The following PHYHD1 variants were observed in gnomAD, a reference collection of about 807,000 sequenced individuals.
The protein encoded by PHYHD1 is phytanoyl-CoA dioxygenase domain containing 1.
PHYHD1 carries 42 observed loss-of-function variants against 43.6 expected under a neutral mutation model. The observed-to-expected ratio is 0.96, with a 90% CI of 0.75 to 1.25. PHYHD1 has a LOEUF of 1.25. PHYHD1 is among the 50% of genes most tolerant of loss of function. The pLI, the probability that PHYHD1 is intolerant of heterozygous loss-of-function variation, is 0.00. For missense variants in PHYHD1, 342 were observed against 370.8 expected (o/e 0.92, Z 0.64); for synonymous variants, 139 against 143.6 (o/e 0.97, Z 0.23).
chr9:128,940,804 G>A lies in PHYHD1; in HGVS notation c.703+89G>A, dbSNP rs532187220. The A allele has an allele frequency of 3.7e-5, 49 of 1,341,526 alleles. No individual in the cohort carries two copies. The East Asian group carries it at 6.0e-4, about 17-fold the overall frequency. 83.1% of individuals were successfully genotyped at this position (1,341,526 alleles called of 1,614,324 possible). ...ACCCAGCGTCCAAGAGGTTGCCCTCGGGGTCATCTGAGGGCAGTGAAGTCA... is the reference window on the plus strand; with the variant it reads ...ACCCAGCGTCCAAGAGGTTGCCCTCAGGGTCATCTGAGGGCAGTGAAGTCA... On this transcript the variant is annotated intron_variant, in intron 11 of 12. Coordinates refer to ENST00000372592, the MANE Select transcript of PHYHD1 (RefSeq NM_001100876.2).
intron 3 of PHYHD1, among the ~76,000 whole-genome samples, chr9:128,922,587 A>G (rs1841027005): frequency 6.6e-6 from 1 of 152,206 alleles, no homozygotes; most frequent in Non-Finnish European, 1.5e-5. Flanking sequence ...GTGTTTGACC[A>G]AAAACGAGAA....
intron 4 of PHYHD1, among the ~76,000 whole-genome samples, chr9:128,927,996 C>T (rs113313873): frequency 5.3e-5 from 8 of 152,368 alleles, no homozygotes; most frequent in African/African-American, 1.9e-4. Context: ...AAATTGAAGA[C>T]TCTGGGGTCT....
At chr9:128,941,616 C>G (rs748962248) in intron 12 of PHYHD1, 45 bp downstream of exon 12, 1 of 1,614,048 alleles carries the variant, frequency 6.2e-7, no homozygotes, top group African/African-American at 1.3e-5. Context: ...CCCCTGGAGG[C>G]TGGGAACAGT....
At chr9:128,930,784 C>A (rs577870074) in intron 4 of PHYHD1, among the ~76,000 whole-genome samples, 4 of 152,004 alleles carry the variant, frequency 2.6e-5, no homozygotes, top group Non-Finnish European at 4.4e-5. Flanking sequence ...CCCATCTCTA[C>A]TAAAAATACA....
At chr9:128,922,566 T>C in intron 3 of PHYHD1, among the ~76,000 whole-genome samples, 1 of 151,690 alleles carries the variant, frequency 6.6e-6, no homozygotes, top group East Asian at 1.9e-4. Flanking sequence ...TAGGGTGGGG[T>C]GGGGACGTGT....
intron 3 of PHYHD1, among the ~76,000 whole-genome samples, chr9:128,924,243 C>T (rs1218457339): frequency 3.3e-5 from 5 of 151,710 alleles, no homozygotes; most frequent in African/African-American, 9.7e-5. Flanking sequence ...GGTGAAACCC[C>T]GTCTCTACTA....
chr9:128,922,112 T>C, intron 2 of PHYHD1, 65 bp downstream of exon 2: 4 of 552,256 alleles, frequency 7.2e-6, no homozygotes, highest in Non-Finnish European at 3.2e-6. Context: ...TCCTTGGAGA[T>C]GGGAAAGGGC....
Position 128,939,440 on chromosome 9 carries a change from G to A in PHYHD1, c.458-929G>A, listed in dbSNP as rs1254572544. ...CTAAAAATATGAAAATTAGCTGGGCGTGGTGTCAGGCACCTGTAATCCCAG... is the reference window on the plus strand; with the variant it reads ...CTAAAAATATGAAAATTAGCTGGGCATGGTGTCAGGCACCTGTAATCCCAG... On this transcript the variant is annotated intron_variant, in intron 9 of 12. Transcript: ENST00000372592. Among the ~76,000 whole-genome samples, 15 of 123,086 alleles carry A rather than the reference G, an allele frequency of 1.2e-4. 3 individuals are homozygous for A. In the East Asian group the frequency reaches 1.5e-3, roughly 13 times the overall value. 80.7% of individuals were successfully genotyped at this position (123,086 alleles called of 152,430 possible).
intron 4 of PHYHD1, among the ~76,000 whole-genome samples, chr9:128,928,422 G>A (rs778016089): frequency 6.6e-6 from 1 of 152,184 alleles, no homozygotes; most frequent in African/African-American, 2.4e-5. Flanking sequence ...TGATATATTG[G>A]CCGGGCGCAG....
At chr9:128,932,184 A>ATTTTAT (rs1554825780) in intron 4 of PHYHD1, among the ~76,000 whole-genome samples, 1 of 108,698 alleles carries the variant, frequency 9.2e-6, no homozygotes, top group African/African-American at 4.2e-5. Context: ...TATTATTATT[A>ATTTTAT]TTTTTTTTTT....
chr9:128,925,801 C>T (rs1841117117), intron 3 of PHYHD1, among the ~76,000 whole-genome samples: 1 of 152,150 alleles, frequency 6.6e-6, no homozygotes, highest in Non-Finnish European at 1.5e-5. Flanking sequence ...TTATGTTCCT[C>T]CCAAATTCAG....
chr9:128,923,034 T>G (rs1380443542), intron 3 of PHYHD1, among the ~76,000 whole-genome samples: 1 of 143,944 alleles, frequency 6.9e-6, no homozygotes, highest in Non-Finnish European at 1.5e-5. Context: ...AACCTCTGAC[T>G]CCCAGGTTCA....
intron 11 of PHYHD1, among the ~76,000 whole-genome samples, chr9:128,941,159 G>T (rs1315480062): frequency 6.6e-6 from 1 of 152,202 alleles, no homozygotes; most frequent in Non-Finnish European, 1.5e-5. Context: ...ACAGGACAGA[G>T]GGCTTCTGCC....
intron 9 of PHYHD1, among the ~76,000 whole-genome samples, chr9:128,938,625 G>A (rs2131117469): frequency 6.6e-6 from 1 of 151,426 alleles, no homozygotes; most frequent in South Asian, 2.1e-4. Context: ...GTTCCACCAT[G>A]TTGGCCAGGC....
chr9:128,934,121 C>T, intron 6 of PHYHD1, 63 bp downstream of exon 6: 2 of 1,526,570 alleles, frequency 1.3e-6, no homozygotes, highest in South Asian at 2.3e-5. Context: ...TGGTGGCTTA[C>T]ACTTGTAATC....
chr9:128,927,094 G>A lies in PHYHD1; in HGVS notation c.90G>A (p.Val30=). 1.2e-6 allele frequency: 2 copies of A among 1,614,152 alleles called. No homozygotes were observed. Among genetic ancestry groups the A allele is most frequent in the South Asian group, 2.2e-5 (2 of 91,082 alleles). Residue 30 remains valine, a synonymous_variant, in exon 4 of 13, where the codon GTG becomes GTA. Transcript: ENST00000372592. ...LEGFLSAEEC[V]AMQQRIGEIV... ...GATTCTTGTCTGCGGAAGAGTGTGT[G>A]GCCATGCAACAAAGGATTGGCGAGA...
rs1428203860 is a variant in PHYHD1, at chr9:128,927,194, C to T, written c.190C>T (p.Gln64Ter). 2.5e-6 allele frequency: 4 copies of T among 1,613,742 alleles called. No homozygotes were observed. The highest frequency in any genetic ancestry group is 2.2e-5 in the East Asian group (1 of 44,880). Residue 64 changes from glutamine to a stop codon, truncating the protein, a stop_gained and splice_region_variant, in exon 4 of 13, where the codon CAG (glutamine) becomes TAG (stop). Transcript: ENST00000372592. LOFTEE classifies it high-confidence loss of function. ...CCAGGAAGAGGAGCAGCTTCGAGCC[C>T]AGGTAGGTGTCTGGGGCACATGAGG... ...STQEEEQLRA[Q>*]GSTDYFLSSG...
At chr9:128,922,701 G>T (rs566050964) in intron 3 of PHYHD1, among the ~76,000 whole-genome samples, 1 of 152,360 alleles carries the variant, frequency 6.6e-6, no homozygotes, top group East Asian at 1.9e-4. Context: ...GCCCAGGAGG[G>T]CCCATGTTCG....
chr9:128,940,924 T>C (rs928417782), intron 11 of PHYHD1, among the ~76,000 whole-genome samples: 2 of 152,194 alleles, frequency 1.3e-5, no homozygotes, highest in Non-Finnish European at 2.9e-5. Flanking sequence ...ATCCACACTC[T>C]GCTACTTATG....
Sources: allele counts gnomAD v4.1 joint callset (sites outside exome capture counted in the v4.1 genomes callset), GRCh38; gene constraint gnomAD v4.1.1; transcripts MANE v1.5; gene names NCBI Gene and HGNC (gene_info 2026-07-23, HGNC 2026-07-21).